Variants in MID1 observed in about 807,000 individuals in gnomAD.
The protein encoded by MID1 is midline 1.
A neutral mutation model predicts 40.4 loss-of-function variants in MID1; 7 were observed. The ratio of observed to expected loss-of-function variants is 0.17; its 90% CI spans 0.10 to 0.33. The LOEUF is 0.33. Among genes scored for constraint, MID1 ranks in the 10% least tolerant of loss-of-function variants. The pLI, the probability that MID1 is intolerant of heterozygous loss-of-function variation, is 1.00. For synonymous variants in MID1, 229 were observed against 221.2 expected (o/e 1.04, Z -0.31); for missense variants, 367 against 558.5 (o/e 0.66, Z 3.46).
At chrX:10,612,546 T>C (rs1283416766) in intron 1 of MID1, among the ~76,000 whole-genome samples, 1 of 112,516 alleles carries the variant, frequency 8.9e-6, no homozygotes, top group African/African-American at 3.2e-5. Flanking sequence ...TAGTTTTTGC[T>C]GTCTGACATT....
intron 1 of MID1, among the ~76,000 whole-genome samples, chrX:10,652,871 A>G (rs1021311790): frequency 8.1e-5 from 9 of 111,569 alleles, no homozygotes; most frequent in Non-Finnish European, 1.7e-4. Flanking sequence ...AACCTCTCCC[A>G]AAAGGCCTTC....
chrX:10,623,027 G>A (rs776249946), upstream of MID1, among the ~76,000 whole-genome samples: 5 of 101,971 alleles, frequency 4.9e-5, no homozygotes, highest in Admixed American at 1.1e-4. Context: ...GCGGATGATC[G>A]CTTGAGCTCA....
At chrX:10,611,015 A>G (rs1935727201) in intron 1 of MID1, among the ~76,000 whole-genome samples, 1 of 112,343 alleles carries the variant, frequency 8.9e-6, no homozygotes, top group African/African-American at 3.2e-5. Flanking sequence ...GGAGACTTGT[A>G]AAGGAGCTAA....
intron 1 of MID1, among the ~76,000 whole-genome samples, chrX:10,824,598 C>T (rs2044202109): frequency 8.9e-6 from 1 of 112,024 alleles, no homozygotes; most frequent in Non-Finnish European, 1.9e-5. Context: ...CAAGTGGGTC[C>T]TTATGAAATG....
chrX:10,625,187 G>A (rs1035410447), upstream of MID1, among the ~76,000 whole-genome samples: 2 of 111,556 alleles, frequency 1.8e-5, no homozygotes, highest in Non-Finnish European at 3.8e-5. Flanking sequence ...TGGCAGGTGC[G>A]GACTCTGTAG....
At chrX:10,631,869 C>A (rs1936056394) in intron 1 of MID1, among the ~76,000 whole-genome samples, 1 of 111,952 alleles carries the variant, frequency 8.9e-6, no homozygotes, top group Non-Finnish European at 1.9e-5. Context: ...TCATTTAGGA[C>A]TGTAACATAT....
intron 1 of MID1, among the ~76,000 whole-genome samples, chrX:10,672,080 C>G (rs1278696445): frequency 1.8e-5 from 2 of 110,729 alleles, no homozygotes; most frequent in African/African-American, 6.6e-5. Flanking sequence ...CAAAAATTAG[C>G]TGAGCGTGGT....
intron 1 of MID1, among the ~76,000 whole-genome samples, chrX:10,685,962 G>A (rs935084942): frequency 4.6e-5 from 5 of 108,703 alleles, no homozygotes; most frequent in Admixed American, 2.0e-4. Flanking sequence ...AAATAGGGTG[G>A]GATGCAGAGA....
chrX:10,615,977 C>T (rs1180959642), intron 1 of MID1, among the ~76,000 whole-genome samples: 2 of 112,237 alleles, frequency 1.8e-5, no homozygotes, highest in Non-Finnish European at 3.8e-5. Context: ...TGAATGAACT[C>T]ATTTTCATAG....
chrX:10,766,908 C>CAA (rs61259004), intron 1 of MID1, among the ~76,000 whole-genome samples: 3 of 57,330 alleles, frequency 5.2e-5, no homozygotes, highest in Non-Finnish European at 7.6e-5. Flanking sequence ...GACCCTGCCT[C>CAA]AAAAAAAAAA....
intron 1 of MID1, among the ~76,000 whole-genome samples, chrX:10,810,696 C>CTGTGTGTGTGTGTGTG (rs370482398): frequency 4.9e-4 from 50 of 101,122 alleles, no homozygotes; most frequent in South Asian, 9.2e-4. Flanking sequence ...GTTGTTTTCT[C>CTGTGTGTGTGTGTGTG]TGTGTGTGTG....
rs1928036219 is a variant in MID1, at chrX:10,446,315, C to T, written c.*3053G>A. 8.9e-6 allele frequency: 1 copy of T among 111,888 alleles called. No homozygotes were observed. The highest frequency in any genetic ancestry group is 3.8e-4 in the South Asian group (1 of 2,643). 9.2% of individuals were successfully genotyped at this position (111,888 alleles called of 1,213,427 possible). A position where few individuals can be genotyped will look rare whatever the true frequency, so the allele number is the denominator to read the frequency against. ...GTCTCTTTGCAGGTATCTGCATGTT[C>T]CTGGAGCTGAGATGGAATTCCACGG... On this transcript the variant is annotated 3_prime_UTR_variant, in exon 10 of 10. Coordinates refer to ENST00000317552, the MANE Select transcript of MID1 (RefSeq NM_000381.4).
chrX:10,538,172 C>T (rs1020202520), intron 2 of MID1, among the ~76,000 whole-genome samples: 2 of 110,821 alleles, frequency 1.8e-5, no homozygotes, highest in African/African-American at 6.6e-5. Flanking sequence ...GAGGTTTCGC[C>T]ATGTTGCCCA....
chrX:10,819,846 G>C (rs2044163109), intron 1 of MID1, among the ~76,000 whole-genome samples: 1 of 111,865 alleles, frequency 8.9e-6, no homozygotes, highest in Admixed American at 9.5e-5. Context: ...GGCTTATTTT[G>C]TAACATTCCG....
chrX:10,765,874 CAAAA>C (rs1821756946), intron 1 of MID1, among the ~76,000 whole-genome samples: 1 of 45,013 alleles, frequency 2.2e-5, no homozygotes, highest in African/African-American at 7.6e-5. Context: ...TGCTAAAAGA[CAAAA>C]AGAAAGAAAG....
intron 7 of MID1, among the ~76,000 whole-genome samples, chrX:10,461,212 T>C (rs1274992831): frequency 9.6e-6 from 1 of 104,554 alleles, no homozygotes; most frequent in Non-Finnish European, 2.0e-5. Context: ...TTTTTTTTTC[T>C]CTAACCTGCA....
chrX:10,481,938 G>A (rs531780078), intron 5 of MID1, among the ~76,000 whole-genome samples: 2 of 112,045 alleles, frequency 1.8e-5, no homozygotes, highest in East Asian at 2.8e-4. Flanking sequence ...AAAGAAGCCC[G>A]TATGAGGTTG....
intron 1 of MID1, among the ~76,000 whole-genome samples, chrX:10,637,408 T>C (rs1456018261): frequency 1.8e-4 from 20 of 109,667 alleles, no homozygotes; most frequent in Admixed American, 5.9e-4. Flanking sequence ...AAAAGATCTA[T>C]GGTATCAGGA....
intron 9 of MID1, among the ~76,000 whole-genome samples, chrX:10,452,607 C>T (rs1175911682): frequency 8.9e-6 from 1 of 112,245 alleles, no homozygotes; most frequent in Admixed American, 9.4e-5. Flanking sequence ...TGTTGCAAGT[C>T]AAGATGTCAC....
Sources: allele counts gnomAD v4.1 joint callset (sites outside exome capture counted in the v4.1 genomes callset), GRCh38; gene constraint gnomAD v4.1.1; transcripts MANE v1.5; gene names NCBI Gene and HGNC (gene_info 2026-07-23, HGNC 2026-07-21).